Variants in LRRC7 observed in about 807,000 individuals in gnomAD.
LRRC7 encodes leucine rich repeat containing 7, also known as leucine-rich repeat-containing protein 7.
Under a neutral mutation model 175.7 loss-of-function variants are expected in LRRC7, and 23 were observed. The observed-to-expected ratio is 0.13, with a 90% CI of 0.09 to 0.19. LRRC7 has a LOEUF of 0.19. Among genes scored for constraint, LRRC7 ranks in the 10% least tolerant of loss-of-function variants. LRRC7 has a pLI of 1.00. For synonymous variants in LRRC7, 685 were observed against 680.9 expected, an observed-to-expected ratio of 1.01 and a Z score of -0.09; for missense variants, 1,354 against 1,904.7, an observed-to-expected ratio of 0.71 and a Z score of 5.38.
intron 1 of LRRC7, among the ~76,000 whole-genome samples, chr1:69,662,688 A>G (rs768778394): frequency 8.5e-5 from 13 of 152,218 alleles, no homozygotes; most frequent in Non-Finnish European, 1.8e-4. Context: ...AACTCAACAT[A>G]GTTGGCTGAG....
intron 26 of LRRC7, among the ~76,000 whole-genome samples, chr1:70,114,270 T>C (rs1023520318): frequency 1.3e-5 from 2 of 152,222 alleles, no homozygotes; most frequent in African/African-American, 4.8e-5. Flanking sequence ...AATAATCACA[T>C]AACTTTTAAT....
At chr1:69,685,080 C>A (rs542991925) in intron 2 of LRRC7, among the ~76,000 whole-genome samples, 44 of 152,294 alleles carry the variant, frequency 2.9e-4, no homozygotes, top group African/African-American at 9.4e-4. Flanking sequence ...GCACTTTTAA[C>A]TCTAGCGGAT....
chr1:70,094,503 A>G (rs529599414), intron 25 of LRRC7, among the ~76,000 whole-genome samples: 2 of 152,276 alleles, frequency 1.3e-5, no homozygotes, highest in African/African-American at 2.4e-5. Flanking sequence ...CTCTAAATAA[A>G]TGTCCTAGAA....
chr1:69,722,227 TA>T (rs1002451996), intron 2 of LRRC7, among the ~76,000 whole-genome samples: 6 of 152,022 alleles, frequency 3.9e-5, no homozygotes, highest in African/African-American at 1.4e-4. Context: ...TAGAAAATAC[TA>T]GAGATAATTT....
At chr1:70,003,427 C>T (rs1473978020) in intron 11 of LRRC7, among the ~76,000 whole-genome samples, 1 of 152,056 alleles carries the variant, frequency 6.6e-6, no homozygotes, top group South Asian at 2.1e-4. Context: ...TGACAGAGTC[C>T]TGAAGAATAA....
chr1:69,690,452 A>G (rs1267684123), intron 2 of LRRC7, among the ~76,000 whole-genome samples: 1 of 152,214 alleles, frequency 6.6e-6, no homozygotes, highest in African/African-American at 2.4e-5. Flanking sequence ...TTGAAAAGCA[A>G]ATTTCAACTA....
At chr1:69,977,803 A>G (rs527615837) in intron 8 of LRRC7, among the ~76,000 whole-genome samples, 3 of 152,244 alleles carry the variant, frequency 2.0e-5, no homozygotes, top group Non-Finnish European at 4.4e-5. Context: ...CATGCTGGAC[A>G]TACAGTAGTA....
rs1675219593 is a variant in LRRC7, at chr1:69,792,297, T to A, written c.421+137T>A. The A allele has an allele frequency of 6.9e-6, 4 of 582,660 alleles. No individual in the cohort carries two copies. The South Asian group carries it at 8.6e-5, about 12-fold the overall frequency. 36.1% of individuals were successfully genotyped at this position (582,660 alleles called of 1,614,324 possible). On this transcript the variant is annotated intron_variant, in intron 4 of 26. Transcript: ENST00000651989. ...ACTGTAGTTTAATGCTCTTGTAAAG[T>A]TAAATCCTAAATTTTAAGTCCAAGA...
chr1:69,636,516 T>C (rs530604502), intron 1 of LRRC7, among the ~76,000 whole-genome samples: 1 of 152,068 alleles, frequency 6.6e-6, no homozygotes, highest in East Asian at 1.9e-4. Flanking sequence ...CCTTCTGTAA[T>C]CTTGTAATCA....
chr1:69,874,223 T>C (rs1013948287), intron 7 of LRRC7: 5 of 152,194 alleles, frequency 3.3e-5, no homozygotes, highest in African/African-American at 1.2e-4. Context: ...TTCAATGGCT[T>C]ATAGCATTTC....
intron 1 of LRRC7, among the ~76,000 whole-genome samples, chr1:69,621,603 C>A (rs1191366204): frequency 1.3e-5 from 2 of 152,174 alleles, no homozygotes; most frequent in South Asian, 2.1e-4. Flanking sequence ...AGAATAAGGT[C>A]TTTATTTTTC....
chr1:69,604,817 A>G (rs1243967809), intron 1 of LRRC7, among the ~76,000 whole-genome samples: 2 of 152,316 alleles, frequency 1.3e-5, no homozygotes, highest in East Asian at 1.9e-4. Context: ...AATAAAACTT[A>G]AAAAGTGTCC....
intron 2 of LRRC7, among the ~76,000 whole-genome samples, chr1:69,725,535 A>T (rs2100796907): frequency 6.6e-6 from 1 of 152,328 alleles, no homozygotes; most frequent in East Asian, 1.9e-4. Flanking sequence ...ATATGGGCAG[A>T]AATTGAAAAT....
intron 10 of LRRC7, among the ~76,000 whole-genome samples, chr1:69,991,948 A>G (rs1402490936): frequency 1.3e-5 from 2 of 152,128 alleles, no homozygotes. Flanking sequence ...AACTCAATAA[A>G]GAAAAATAAA....
intron 1 of LRRC7, among the ~76,000 whole-genome samples, chr1:69,591,712 G>A (rs1646642819): frequency 6.6e-6 from 1 of 151,928 alleles, no homozygotes; most frequent in South Asian, 2.1e-4. Context: ...TGATGATCAG[G>A]TGAGTACTTA....
At chr1:69,783,361 G>C (rs752456415) in intron 3 of LRRC7, among the ~76,000 whole-genome samples, 2 of 152,182 alleles carry the variant, frequency 1.3e-5, no homozygotes, top group Non-Finnish European at 2.9e-5. Context: ...AGACCAGTAG[G>C]CTAGAAATAG....
At chr1:69,909,201 G>A (rs1160990313) in intron 7 of LRRC7, among the ~76,000 whole-genome samples, 1 of 152,124 alleles carries the variant, frequency 6.6e-6, no homozygotes, top group African/African-American at 2.4e-5. Flanking sequence ...ACAGCACACT[G>A]ATGGGTCTTG....
chr1:70,099,504 T>C (rs1216820929), intron 25 of LRRC7, among the ~76,000 whole-genome samples: 2 of 151,626 alleles, frequency 1.3e-5, no homozygotes, highest in African/African-American at 4.8e-5. Flanking sequence ...ATAAAGGCTA[T>C]TCAATTAGGA....
At chr1:69,853,029 C>T (rs1027858661) in intron 7 of LRRC7, among the ~76,000 whole-genome samples, 1 of 151,978 alleles carries the variant, frequency 6.6e-6, no homozygotes, top group Admixed American at 6.6e-5. Flanking sequence ...ATGCATCATG[C>T]CTGAAAATTT....
Sources: gnomAD v4.1 joint callset for allele counts (sites outside exome capture counted in the v4.1 genomes callset) on GRCh38, gnomAD v4.1.1 for gene constraint, MANE v1.5 for transcripts, NCBI Gene and HGNC (gene_info 2026-07-23, HGNC 2026-07-21) for gene names.